Variants in FAM24B observed in about 807,000 individuals in gnomAD.
The protein encoded by FAM24B is family with sequence similarity 24 member B.
Under a neutral mutation model 2.3 loss-of-function variants are expected in FAM24B, and 3 were observed. That is an observed-to-expected ratio of 1.29 (90% CI 0.59 to 3.32). The LOEUF (loss-of-function observed/expected upper bound fraction) is 3.32. Among genes scored for constraint, FAM24B ranks in the 30% most tolerant of loss-of-function variants. The pLI is 0.03. For synonymous variants in FAM24B, 36 were observed against 46.3 expected, an observed-to-expected ratio of 0.78 and a Z score of 0.90; for missense variants, 98 against 117.2, an observed-to-expected ratio of 0.84 and a Z score of 0.76.
chr10:122,868,742 T>C (rs891115030), intron 1 of FAM24B, among the ~76,000 whole-genome samples: 13 of 152,154 alleles, frequency 8.5e-5, no homozygotes, highest in Non-Finnish European at 1.3e-4. Context: ...CTGAGAGATT[T>C]TGTCACCACC....
At chr10:122,877,151 G>A (rs994462361) in intron 1 of FAM24B, among the ~76,000 whole-genome samples, 6 of 152,188 alleles carry the variant, frequency 3.9e-5, no homozygotes, top group Admixed American at 2.6e-4. Context: ...TTCACGACAA[G>A]AGTAATTTAC....
At chr10:122,878,797 T>C (rs1016292412) in intron 1 of FAM24B, among the ~76,000 whole-genome samples, 1 of 149,680 alleles carries the variant, frequency 6.7e-6, no homozygotes, top group Non-Finnish European at 1.5e-5. Flanking sequence ...ACATACGAGA[T>C]TGAAAGAAAG....
chr10:122,872,378 C>A (rs565561198), intron 1 of FAM24B, among the ~76,000 whole-genome samples: 2 of 152,266 alleles, frequency 1.3e-5, no homozygotes, highest in South Asian at 2.1e-4. Context: ...GTCAGTGTGG[C>A]GATTCCTCAA....
chr10:122,854,225 T>G (rs1397005665), intron 2 of FAM24B, among the ~76,000 whole-genome samples: 3 of 152,194 alleles, frequency 2.0e-5, no homozygotes, highest in Admixed American at 6.5e-5. Flanking sequence ...GTCACCAACA[T>G]TTAACTACTT....
At chr10:122,857,016 G>T (rs1022957181) in intron 1 of FAM24B, among the ~76,000 whole-genome samples, 5 of 152,124 alleles carry the variant, frequency 3.3e-5, no homozygotes, top group African/African-American at 1.2e-4. Context: ...TAGGAATGAG[G>T]TTCCTATTTC....
At chr10:122,852,341 G>A (rs1412008281) in intron 2 of FAM24B, among the ~76,000 whole-genome samples, 1 of 152,170 alleles carries the variant, frequency 6.6e-6, no homozygotes, top group African/African-American at 2.4e-5. Context: ...GGTAACTGAT[G>A]TCTTCCTGGA....
At chr10:122,876,629 C>T (rs754764456) in intron 1 of FAM24B, among the ~76,000 whole-genome samples, 9 of 152,194 alleles carry the variant, frequency 5.9e-5, no homozygotes, top group Non-Finnish European at 1.0e-4. Context: ...CATTTGCTGC[C>T]TCATGAGGAT....
At chr10:122,860,436 T>G (rs1391764707) in intron 1 of FAM24B, among the ~76,000 whole-genome samples, 1 of 152,240 alleles carries the variant, frequency 6.6e-6, no homozygotes, top group East Asian at 1.9e-4. Flanking sequence ...CATGTGGATT[T>G]ATTTCCAGGT....
chr10:122,874,716 T>A (rs1442067160), intron 1 of FAM24B, among the ~76,000 whole-genome samples: 1 of 152,132 alleles, frequency 6.6e-6, no homozygotes, highest in Non-Finnish European at 1.5e-5. Context: ...AGGTACAGAC[T>A]AAGCTTGTCC....
intron 1 of FAM24B, among the ~76,000 whole-genome samples, chr10:122,856,246 G>C (rs1178264653): frequency 6.6e-6 from 1 of 152,206 alleles, no homozygotes; most frequent in East Asian, 1.9e-4. Context: ...GCAGCACCCA[G>C]GAAGAGACCA....
upstream of FAM24B, chr10:122,879,618 A>G (rs1589681027): frequency 6.5e-6 from 1 of 153,220 alleles, no homozygotes; most frequent in African/African-American, 2.4e-5. Flanking sequence ...AGGCTGAGCG[A>G]GGGCCTGCCA....
At chr10:122,870,246 A>C (rs557721096) in intron 1 of FAM24B, among the ~76,000 whole-genome samples, 5 of 152,332 alleles carry the variant, frequency 3.3e-5, no homozygotes, top group African/African-American at 1.2e-4. Flanking sequence ...AAAGAAGTTG[A>C]ATCTCTGAAT....
At chr10:122,874,529 C>A (rs1312601768) in intron 1 of FAM24B, among the ~76,000 whole-genome samples, 1 of 152,156 alleles carries the variant, frequency 6.6e-6, no homozygotes, top group Non-Finnish European at 1.5e-5. Flanking sequence ...TGGATACATT[C>A]TAGGTTGGTG....
At chr10:122,868,434 G>A (rs1403915208) in intron 1 of FAM24B, among the ~76,000 whole-genome samples, 6 of 152,022 alleles carry the variant, frequency 3.9e-5, no homozygotes, top group Admixed American at 6.6e-5. Context: ...TATAGAGAAC[G>A]CCACAAAGAT....
chr10:122,870,001 G>T (rs1428152051), intron 1 of FAM24B, among the ~76,000 whole-genome samples: 2 of 152,146 alleles, frequency 1.3e-5, no homozygotes, highest in South Asian at 2.1e-4. Context: ...CCAGGAGCTG[G>T]TTTTTTGAAA....
intron 1 of FAM24B, among the ~76,000 whole-genome samples, chr10:122,877,047 T>C (rs533407924): frequency 6.6e-6 from 1 of 152,284 alleles, no homozygotes; most frequent in Admixed American, 6.5e-5. Flanking sequence ...GCCAAAAAAA[T>C]ACATTGTGAT....
At chr10:122,860,661 GTTAAT>G (rs1278365487) in intron 1 of FAM24B, among the ~76,000 whole-genome samples, 2 of 152,182 alleles carry the variant, frequency 1.3e-5, no homozygotes, top group African/African-American at 4.8e-5. Context: ...TAGCAGCTAT[GTTAAT>G]TTGTCAGCAT....
At chr10:122,859,449 T>C (rs1847693704) in intron 1 of FAM24B, among the ~76,000 whole-genome samples, 1 of 152,194 alleles carries the variant, frequency 6.6e-6, no homozygotes, top group African/African-American at 2.4e-5. Context: ...GATGGCCTTG[T>C]TGCAGCTCCT....
At chr10:122,866,456 T>C (rs1282290210) in intron 1 of FAM24B, among the ~76,000 whole-genome samples, 2 of 152,004 alleles carry the variant, frequency 1.3e-5, no homozygotes, top group Non-Finnish European at 2.9e-5. Context: ...TTCACTGTAC[T>C]GTGCCTCATA....
Sources: allele counts gnomAD v4.1 joint callset (sites outside exome capture counted in the v4.1 genomes callset), GRCh38; gene constraint gnomAD v4.1.1; transcripts MANE v1.5; gene names NCBI Gene and HGNC (gene_info 2026-07-23, HGNC 2026-07-21).